ATAD2B: variants seen among roughly 807,000 people sequenced by gnomAD.
The protein encoded by ATAD2B is ATPase family AAA domain-containing protein 2B.
A neutral mutation model predicts 167.6 loss-of-function variants in ATAD2B; 40 were observed. The observed-to-expected ratio is 0.24, with a 90% CI of 0.19 to 0.31. ATAD2B has a LOEUF of 0.31. Ranked by LOEUF, ATAD2B falls within the 10% of genes least tolerant of loss-of-function variation. The pLI, the probability that ATAD2B is intolerant of heterozygous loss-of-function variation, is 1.00. For missense variants in ATAD2B, 1,242 were observed against 1,757.2 expected, an observed-to-expected ratio of 0.71 and a Z score of 5.24; for synonymous variants, 579 against 596.5, an observed-to-expected ratio of 0.97 and a Z score of 0.43.
intron 2 of ATAD2B, among the ~76,000 whole-genome samples, chr2:23,892,113 T>A (rs1429665942): frequency 6.6e-6 from 1 of 152,208 alleles, no homozygotes; most frequent in Admixed American, 6.5e-5. Context: ...CCTCATTACC[T>A]AACCACAAAA....
chr2:23,798,562 T>C (rs1030611191), intron 18 of ATAD2B, among the ~76,000 whole-genome samples: 4 of 151,818 alleles, frequency 2.6e-5, no homozygotes, highest in African/African-American at 9.7e-5. Context: ...TGCCCTTTAA[T>C]TATTCCTATT....
chr2:23,887,296 A>C (rs899013963), intron 4 of ATAD2B, among the ~76,000 whole-genome samples: 3 of 152,162 alleles, frequency 2.0e-5, no homozygotes, highest in Non-Finnish European at 4.4e-5. Flanking sequence ...TCCCGGGCAC[A>C]GGATCTTCCC....
intron 1 of ATAD2B, among the ~76,000 whole-genome samples, chr2:23,905,451 G>C (rs1015905906): frequency 2.0e-5 from 3 of 152,168 alleles, no homozygotes; most frequent in Non-Finnish European, 2.9e-5. Flanking sequence ...TTGAGCCAGG[G>C]AGGTCCAGGC....
chr2:23,770,940 T>A (rs2712077), intron 22 of ATAD2B, among the ~76,000 whole-genome samples: 5,896 of 152,300 alleles, frequency 0.039, 110 homozygotes, highest in South Asian at 0.046. Flanking sequence ...TACATTTTCA[T>A]AATGTTGAGT....
intron 8 of ATAD2B, chr2:23,872,265 G>A: frequency 2.2e-6 from 1 of 462,474 alleles, no homozygotes; most frequent in South Asian, 1.8e-5. Context: ...GCTAAGAGCA[G>A]GAAGCCACAG....
At chr2:23,889,962 C>A (rs767124261) in intron 2 of ATAD2B, among the ~76,000 whole-genome samples, 9 of 151,414 alleles carry the variant, frequency 5.9e-5, no homozygotes, top group Non-Finnish European at 1.2e-4. Flanking sequence ...TGCCTGTAAT[C>A]CCAACACTTT....
At chr2:23,684,613 C>A in the ATAD2B span, 2 of 1,345,450 alleles carry the variant, frequency 1.5e-6, no homozygotes, top group South Asian at 1.6e-5. This position sits in a 1 kb window ranked among gnomAD's most constrained non-coding sequence, Gnocchi z 4.4. Context: ...CTTCCCCTCT[C>A]TTGCAGGTTC....
At chr2:23,792,667 GA>G (rs1223455305) in intron 19 of ATAD2B, among the ~76,000 whole-genome samples, 2 of 151,332 alleles carry the variant, frequency 1.3e-5, no homozygotes, top group Non-Finnish European at 3.0e-5. Context: ...TTCACTTAGG[GA>G]AAAAAAACTT....
At chr2:23,786,893 T>A (rs1680908286) in intron 20 of ATAD2B, among the ~76,000 whole-genome samples, 1 of 152,236 alleles carries the variant, frequency 6.6e-6, no homozygotes, top group Non-Finnish European at 1.5e-5. Flanking sequence ...CTTCTTAAAA[T>A]GGTATTACCT....
At chr2:23,760,004 C>G (rs769886965) in intron 24 of ATAD2B, among the ~76,000 whole-genome samples, 1 of 152,120 alleles carries the variant, frequency 6.6e-6, no homozygotes, top group Non-Finnish European at 1.5e-5. Context: ...TTCCCTTTTT[C>G]TTTCCTAAGC....
At chr2:23,829,989 T>C (rs974705217) in intron 14 of ATAD2B, among the ~76,000 whole-genome samples, 2 of 47,608 alleles carry the variant, frequency 4.2e-5, no homozygotes, top group African/African-American at 1.1e-4. Flanking sequence ...TCTAAAATAG[T>C]TTTTTTTGTT....
chr2:23,902,129 G>A (rs1191777200), intron 1 of ATAD2B, among the ~76,000 whole-genome samples: 1 of 152,152 alleles, frequency 6.6e-6, no homozygotes, highest in African/African-American at 2.4e-5. Flanking sequence ...GAGGTGAAAC[G>A]TTTTTAACAA....
the ATAD2B span, chr2:23,703,224 C>G: frequency 2.0e-6 from 3 of 1,482,370 alleles, no homozygotes; most frequent in Non-Finnish European, 2.7e-6. Context: ...GCGGTGGCCC[C>G]TCTGCCCAAG....
the ATAD2B span, chr2:23,693,528 G>T: frequency 3.2e-6 from 5 of 1,548,658 alleles, no homozygotes; most frequent in Non-Finnish European, 3.5e-6. Flanking sequence ...CACGCACACA[G>T]GTGGGGCCTG....
intron 22 of ATAD2B, among the ~76,000 whole-genome samples, chr2:23,773,034 G>A (rs1015349627): frequency 3.3e-5 from 5 of 152,166 alleles, no homozygotes; most frequent in Non-Finnish European, 5.9e-5. Flanking sequence ...GGGCCACTGT[G>A]CCGGGCCAAG....
At chr2:23,770,658 T>C (rs895746392) in intron 22 of ATAD2B, among the ~76,000 whole-genome samples, 3 of 152,228 alleles carry the variant, frequency 2.0e-5, no homozygotes, top group Admixed American at 6.5e-5. Flanking sequence ...TGACCCTCTA[T>C]GTGTGCATCT....
At chr2:23,760,733 T>TAC (rs1241441472) in intron 24 of ATAD2B, among the ~76,000 whole-genome samples, 6,176 of 124,908 alleles carry the variant, frequency 0.049, 133 homozygotes, top group Middle Eastern at 0.06. Context: ...CACACACATA[T>TAC]ACACACACAC....
intron 1 of ATAD2B, among the ~76,000 whole-genome samples, chr2:23,921,945 C>T (rs868303156): frequency 8.5e-5 from 13 of 152,094 alleles, no homozygotes; most frequent in Admixed American, 2.0e-4. Flanking sequence ...CCCTCAATTT[C>T]GACCACTCTG....
At chr2:23,704,540 A>T in the ATAD2B span, among the ~76,000 whole-genome samples, 3 of 152,168 alleles carry the variant, frequency 2.0e-5, no homozygotes, top group Non-Finnish European at 4.4e-5. Flanking sequence ...GCCGAGGCGG[A>T]TGGATCAGTT....
Sources: allele counts gnomAD v4.1 joint callset (sites outside exome capture counted in the v4.1 genomes callset), GRCh38; gene constraint gnomAD v4.1.1; non-coding constraint Gnocchi (gnomAD v3.1); transcripts MANE v1.5; gene names NCBI Gene and HGNC (gene_info 2026-07-23, HGNC 2026-07-21).